Variants in RASAL2 observed in about 807,000 individuals in gnomAD.
The protein encoded by RASAL2 is ras GTPase-activating protein nGAP.
A neutral mutation model predicts 128.9 loss-of-function variants in RASAL2; 58 were observed. The ratio of observed to expected loss-of-function variants is 0.45; its 90% confidence interval spans 0.36 to 0.56. The LOEUF (loss-of-function observed/expected upper bound fraction) is 0.56, where lower values mean the gene tolerates loss of function less well. Among genes scored for constraint, RASAL2 ranks in the 20% least tolerant of loss-of-function variants. RASAL2 has a pLI of 0.00. For missense variants in RASAL2, 1,360 were observed against 1,601.6 expected (o/e 0.85, Z 2.57); for synonymous variants, 561 against 580.8 (o/e 0.97, Z 0.49).
chr1:178,300,634 C>A (rs572856388), intron 3 of RASAL2, among the ~76,000 whole-genome samples: 78 of 152,228 alleles, frequency 5.1e-4, no homozygotes, highest in African/African-American at 1.8e-3. Flanking sequence ...AGGGAGAAAT[C>A]CTACTTCCAT....
At chr1:178,291,142 G>A (rs1001830797) in intron 2 of RASAL2, among the ~76,000 whole-genome samples, 1 of 152,138 alleles carries the variant, frequency 6.6e-6, no homozygotes, top group Admixed American at 6.6e-5. Flanking sequence ...AAAAAGAAGG[G>A]AAGGACATTC....
At chr1:178,341,368 G>A (rs761622235) in intron 3 of RASAL2, 188 of 1,305,624 alleles carry the variant, frequency 1.4e-4, no homozygotes, top group Non-Finnish European at 1.6e-4. Flanking sequence ...CTATTGTTTA[G>A]TGCTCTCTAG....
chr1:178,327,828 T>C (rs1447447358), intron 3 of RASAL2, among the ~76,000 whole-genome samples: 5 of 151,896 alleles, frequency 3.3e-5, no homozygotes, highest in Admixed American at 1.3e-4. Flanking sequence ...TCTAGGTGGG[T>C]CCTAATCCAA....
At chr1:178,210,740 A>T (rs1033764069) in intron 1 of RASAL2, among the ~76,000 whole-genome samples, 15 of 152,250 alleles carry the variant, frequency 9.9e-5, no homozygotes, top group Admixed American at 3.3e-4. Flanking sequence ...GTTTAGATAA[A>T]GATCTGTGGA....
chr1:178,233,841 A>T (rs1402696751), intron 1 of RASAL2, among the ~76,000 whole-genome samples: 2 of 152,198 alleles, frequency 1.3e-5, no homozygotes, highest in Non-Finnish European at 2.9e-5. Flanking sequence ...CAGGATGCTG[A>T]ATCTAAAAGG....
chr1:178,130,138 A>G (rs914910564), intron 1 of RASAL2, among the ~76,000 whole-genome samples: 4 of 152,214 alleles, frequency 2.6e-5, no homozygotes, highest in African/African-American at 9.6e-5. Flanking sequence ...CAATTACTAT[A>G]TAGTGCATTT....
chr1:178,143,158 A>G lies in RASAL2; in HGVS notation c.202+48464A>G, dbSNP rs959613754. On this transcript the variant is annotated intron_variant, in intron 1 of 17. Coordinates refer to ENST00000367649, the MANE Select transcript of RASAL2 (RefSeq NM_170692.4). ...AATATCATAGATGTAATGTATGTTT[A>G]TTTATAATGTATATTATTTATATAT... 5.3e-5 allele frequency among the ~76,000 whole-genome samples: 8 copies of G among 151,860 alleles called. No homozygotes were observed. The East Asian group carries it at 1.2e-3, about 22-fold the overall frequency.
chr1:178,205,101 T>A (rs1298276068), intron 1 of RASAL2, among the ~76,000 whole-genome samples: 1 of 152,206 alleles, frequency 6.6e-6, no homozygotes, highest in Non-Finnish European at 1.5e-5. Context: ...ACCTCCTGCA[T>A]TCAAGCAATT....
At chr1:178,134,783 C>A (rs1338126936) in intron 1 of RASAL2, among the ~76,000 whole-genome samples, 1 of 152,144 alleles carries the variant, frequency 6.6e-6, no homozygotes, top group African/African-American at 2.4e-5. Context: ...CATGGTTTTA[C>A]CAGTACATCC....
At position 178,458,237 on chromosome 1, in the gene RASAL2, G is replaced by A. The variant is rs758417343; in HGVS notation, c.2945G>A (p.Ser982Asn). 5.5e-5 allele frequency: 89 copies of A among 1,614,144 alleles called. No homozygotes were observed. Among genetic ancestry groups the A allele is most frequent in the Non-Finnish European group, 7.3e-5 (86 of 1,180,060 alleles). The change falls in exon 14 of 18, where the codon AGT becomes AAT. Residue 982 changes from serine to asparagine, a missense_variant. Ser to Asn is a conservative substitution (Grantham distance 46). This residue lies in a region of RASAL2 where 741 missense variants were observed against 868.6 expected (regional missense o/e 0.85). Coordinates refer to ENST00000367649, the MANE Select transcript of RASAL2 (RefSeq NM_170692.4). ...MEDFTKRSTQ[S>N]EDFSRRHTVP... Reference sequence around the variant, plus strand: ...GATTTCACTAAACGTAGCACTCAGAGTGAGGACTTCTCCAGGCGGCACACG... The same window carrying A: ...GATTTCACTAAACGTAGCACTCAGAATGAGGACTTCTCCAGGCGGCACACG...
Position 178,319,748 on chromosome 1 carries a change from C to A in RASAL2, c.457+19630C>A, listed in dbSNP as rs542117214. Among the ~76,000 whole-genome samples, 7 of 152,036 alleles carry A rather than the reference C, an allele frequency of 4.6e-5. No individual in the cohort carries two copies. The South Asian group carries it at 1.5e-3, about 32-fold the overall frequency. On this transcript the variant is annotated intron_variant, in intron 3 of 17. Transcript: ENST00000367649. ...TTTGCCTTTGGATTGAATGTCCTCCCGTAGCTCAGAGTAATTTGATCGTCT... is the reference window on the plus strand; with the variant it reads ...TTTGCCTTTGGATTGAATGTCCTCCAGTAGCTCAGAGTAATTTGATCGTCT...
chr1:178,267,061 A>G (rs1665991285), intron 1 of RASAL2, among the ~76,000 whole-genome samples: 1 of 152,170 alleles, frequency 6.6e-6, no homozygotes, highest in African/African-American at 2.4e-5. Flanking sequence ...GAAAGAGACA[A>G]AAACTTTCCA....
intron 1 of RASAL2, among the ~76,000 whole-genome samples, chr1:178,225,538 A>G (rs1445915118): frequency 1.3e-5 from 2 of 151,882 alleles, no homozygotes; most frequent in Admixed American, 6.6e-5. Flanking sequence ...ACTGTTATGA[A>G]TGTAGTATAT....
rs116264530 is a variant in RASAL2 at position 178,193,872 on chromosome 1, G to A, written c.203-89692G>A. Among the ~76,000 whole-genome samples, 623 of 152,258 alleles carry A rather than the reference G, an allele frequency of 4.1e-3. 5 individuals are homozygous for A. The highest frequency in any genetic ancestry group is 7.0e-3 in the Non-Finnish European group (478 of 68,028). ...ATTACAAATGCACATGGTGTATTTT[G>A]TAGATACCAACTAGACTTTTTTGTT... On this transcript the variant is annotated intron_variant, in intron 1 of 17. Transcript: ENST00000367649.
At chr1:178,269,049 A>G (rs1666119181) in intron 1 of RASAL2, among the ~76,000 whole-genome samples, 1 of 152,122 alleles carries the variant, frequency 6.6e-6, no homozygotes, top group African/African-American at 2.4e-5. Context: ...AGTGTGCTGT[A>G]TTTGGACATA....
intron 1 of RASAL2, among the ~76,000 whole-genome samples, chr1:178,273,154 A>G (rs1339937501): frequency 6.6e-6 from 1 of 152,208 alleles, no homozygotes; most frequent in African/African-American, 2.4e-5. Flanking sequence ...GTTTTATGCA[A>G]TCTTAATATC....
chr1:178,398,438 C>T (rs1006264708), intron 4 of RASAL2, among the ~76,000 whole-genome samples: 2 of 152,186 alleles, frequency 1.3e-5, no homozygotes, highest in Non-Finnish European at 2.9e-5. Context: ...CAGTCCACCT[C>T]TGCCTCTCCA....
intron 1 of RASAL2, among the ~76,000 whole-genome samples, chr1:178,139,146 G>A (rs1315598927): frequency 1.3e-5 from 2 of 151,918 alleles, no homozygotes; most frequent in African/African-American, 2.4e-5. Context: ...CATATTTCTG[G>A]TATTAATGTT....
intron 3 of RASAL2, among the ~76,000 whole-genome samples, chr1:178,324,362 G>C (rs1410534011): frequency 6.6e-6 from 1 of 151,282 alleles, no homozygotes; most frequent in African/African-American, 2.4e-5. Flanking sequence ...TGAGGCTGCA[G>C]ATCACACCAC....
Sources: allele counts gnomAD v4.1 joint callset (sites outside exome capture counted in the v4.1 genomes callset), GRCh38; gene constraint gnomAD v4.1.1; regional missense constraint gnomAD v4.1.1; transcripts MANE v1.5; gene names NCBI Gene and HGNC (gene_info 2026-07-23, HGNC 2026-07-21).